The following SLC18A2 variants were observed in gnomAD, a reference collection of about 807,000 sequenced individuals.
SLC18A2 encodes the protein synaptic vesicular amine transporter.
Under a neutral mutation model 59.2 loss-of-function variants are expected in SLC18A2, and 33 were observed. That is an observed-to-expected ratio of 0.56 (90% CI 0.42 to 0.75). The LOEUF (loss-of-function observed/expected upper bound fraction) is 0.75, where lower values mean the gene tolerates loss of function less well. Among genes scored for constraint, SLC18A2 ranks in the 30% least tolerant of loss-of-function variants. SLC18A2 has a pLI of 0.00. For missense variants in SLC18A2, 569 were observed against 668.6 expected (o/e 0.85, Z 1.64); for synonymous variants, 228 against 253.5 (o/e 0.90, Z 0.95).
Position 117,277,284 on chromosome 10 carries a change from T to G in SLC18A2, c.*18T>G, listed in dbSNP as rs368540987. ...GTGACTGAGATGAGATCCTCAAAAA[T>G]CATCAAAGTGTTTAATTGTATAAAA... On this transcript the variant is annotated 3_prime_UTR_variant, in exon 16 of 16. Coordinates refer to ENST00000644641, the MANE Select transcript of SLC18A2 (RefSeq NM_003054.6). 7.2e-5 allele frequency: 105 copies of G among 1,452,766 alleles called. No homozygotes were observed. Among genetic ancestry groups the G allele is most frequent in the Non-Finnish European group, 9.6e-5 (100 of 1,036,504 alleles). 90.0% of individuals were successfully genotyped at this position (1,452,766 alleles called of 1,614,324 possible).
intron 10 of SLC18A2, among the ~76,000 whole-genome samples, chr10:117,266,372 A>G (rs1347446087): frequency 6.6e-6 from 1 of 152,120 alleles, no homozygotes; most frequent in Non-Finnish European, 1.5e-5. Flanking sequence ...TCTTTCAATG[A>G]CTGCGTCTTA....
chr10:117,254,916 G>A (rs1395343078), intron 6 of SLC18A2, among the ~76,000 whole-genome samples: 1 of 152,188 alleles, frequency 6.6e-6, no homozygotes, highest in Non-Finnish European at 1.5e-5. Context: ...TTCCTCTTCC[G>A]ATTTCCCGCC....
At chr10:117,265,789 C>T (rs995262579) in intron 10 of SLC18A2, among the ~76,000 whole-genome samples, 1 of 152,116 alleles carries the variant, frequency 6.6e-6, no homozygotes, top group African/African-American at 2.4e-5. Context: ...ATGGGGACAG[C>T]AATAAAACTT....
chr10:117,241,988 C>T (rs555650717), intron 2 of SLC18A2, 174 bp downstream of exon 2: 4 of 561,962 alleles, frequency 7.1e-6, no homozygotes, highest in Non-Finnish European at 1.2e-5. Context: ...TAGGAGGAGC[C>T]GCGTTGTGTG....
At chr10:117,254,208 A>C in intron 5 of SLC18A2, 77 bp downstream of exon 5, 1 of 1,450,626 alleles carries the variant, frequency 6.9e-7, no homozygotes, top group Admixed American at 1.7e-5. Flanking sequence ...GAATTCAGGT[A>C]TTGGTGGTGG....
At position 117,244,130 on chromosome 10, in the gene SLC18A2, G is replaced by A; in HGVS notation, c.281G>A (p.Arg94Lys). Residue 94 changes from arginine (R) to lysine (K), a missense_variant, in exon 3 of 16, where the codon AGA becomes AAA. By Grantham distance (26) the Arg-to-Lys change is conservative. Transcript: ENST00000644641. Reference protein sequence around the residue: ...NSTMVTGNATRDLTLHQTATQ... With the variant: ...NSTMVTGNATKDLTLHQTATQ... ...ACTATGGTCACCGGGAATGCTACCA[G>A]AGACCTGACACTTCATCAGACCGCC... 6.2e-7 allele frequency: 1 copy of A among 1,614,194 alleles called. No individual in the cohort carries two copies. Among genetic ancestry groups the A allele is most frequent in the South Asian group, 1.1e-5 (1 of 91,078 alleles).
At chr10:117,248,206 C>T (rs1844128944) in intron 3 of SLC18A2, among the ~76,000 whole-genome samples, 1 of 152,032 alleles carries the variant, frequency 6.6e-6, no homozygotes, top group South Asian at 2.1e-4. Flanking sequence ...CTCAAGTGAT[C>T]CTCCTGCCTC....
At chr10:117,256,652 C>G (rs1350209547) in intron 9 of SLC18A2, among the ~76,000 whole-genome samples, 2 of 152,188 alleles carry the variant, frequency 1.3e-5, no homozygotes, top group African/African-American at 4.8e-5. Context: ...AAGACCCTGT[C>G]TATCATGCTT....
rs1173040503 is a variant in SLC18A2, at chr10:117,269,590, A to T, written c.1187-481A>T. On this transcript the variant is annotated intron_variant, in intron 13 of 15. Coordinates refer to ENST00000644641, the MANE Select transcript of SLC18A2 (RefSeq NM_003054.6). This position sits in a 1 kb window ranked among gnomAD's most constrained non-coding sequence, Gnocchi z 5.1. ...CGCCTCTCTGAGTATTGGTTTCCTC[A>T]TCTATAAAATGGGGATGCTCATGAT... 1.3e-5 allele frequency among the ~76,000 whole-genome samples: 2 copies of T among 152,054 alleles called. No homozygotes were observed. The highest frequency in any genetic ancestry group is 2.9e-5 in the Non-Finnish European group (2 of 68,014).
intron 3 of SLC18A2, among the ~76,000 whole-genome samples, chr10:117,245,848 G>C (rs530090346): frequency 6.6e-6 from 1 of 152,152 alleles, no homozygotes; most frequent in African/African-American, 2.4e-5. Context: ...CTCAACATCT[G>C]CAGTTGAATT....
At position 117,255,492 on chromosome 10, in the gene SLC18A2, T is replaced by A; in HGVS notation, c.804T>A (p.Phe268Leu). The A allele has an allele frequency of 1.2e-6, 2 of 1,614,152 alleles. No individual in the cohort carries two copies. Among genetic ancestry groups the A allele is most frequent in the Non-Finnish European group, 1.7e-6 (2 of 1,180,046 alleles). ...TTTATTTTTTAGCTATTCAGCTCTT[T>A]GTGCTCCAGCCGTCCCGGGTGCAGC... is the stretch of plus-strand genomic sequence containing the variant. ...LVLLDGAIQL[F>L]VLQPSRVQPE... Residue 268 changes from phenylalanine to leucine, a missense_variant, in exon 8 of 16, where the codon TTT becomes TTA. Physicochemically the swap from Phe to Leu is conservative, Grantham distance 22 (BLOSUM62 0). Around this residue, in one of 2 missense-constraint regions of SLC18A2, gnomAD observed 377 missense variants for 389.8 expected, o/e 0.97. Transcript: ENST00000644641.
At chr10:117,255,061 G>A (rs1844212381) in intron 6 of SLC18A2, among the ~76,000 whole-genome samples, 1 of 152,210 alleles carries the variant, frequency 6.6e-6, no homozygotes, top group Non-Finnish European at 1.5e-5. Flanking sequence ...TGCTTTCAGG[G>A]TGACCTTTAT....
intron 10 of SLC18A2, among the ~76,000 whole-genome samples, chr10:117,263,273 G>A (rs989667915): frequency 2.6e-5 from 4 of 152,170 alleles, no homozygotes; most frequent in African/African-American, 9.7e-5. Context: ...GCAGTGCGGA[G>A]GACCCAGTGC....
intron 10 of SLC18A2, among the ~76,000 whole-genome samples, chr10:117,260,687 A>C (rs1844285896): frequency 1.3e-5 from 2 of 152,164 alleles, no homozygotes; most frequent in Non-Finnish European, 2.9e-5. Context: ...AACTGTTGAA[A>C]TCCTCAGTCA....
chr10:117,243,397 G>A (rs965435428), intron 2 of SLC18A2, among the ~76,000 whole-genome samples: 15 of 152,200 alleles, frequency 9.9e-5, no homozygotes, highest in Admixed American at 9.8e-4. Context: ...GTTCAGCACA[G>A]CAGCTGCCTT....
chr10:117,241,539 T>A, intron 1 of SLC18A2, 140 bp from the exon 2 acceptor site: 1 of 901,874 alleles, frequency 1.1e-6, no homozygotes, highest in Non-Finnish European at 1.5e-6. Context: ...TCGAGGCAGG[T>A]GAGCCGAGGC....
chr10:117,245,552 C>T (rs770644839), intron 3 of SLC18A2, among the ~76,000 whole-genome samples: 43 of 150,996 alleles, frequency 2.8e-4, no homozygotes, highest in Non-Finnish European at 3.4e-4. Context: ...CTGCCTTTGG[C>T]GTGGGGAGTG....
At chr10:117,242,082 A>G (rs937423510) in intron 2 of SLC18A2, among the ~76,000 whole-genome samples, 3 of 152,192 alleles carry the variant, frequency 2.0e-5, no homozygotes, top group Non-Finnish European at 4.4e-5. Context: ...AATTTCCCGC[A>G]TCCTCTTGCC....
chr10:117,245,457 T>C (rs2133726847), intron 3 of SLC18A2, among the ~76,000 whole-genome samples: 1 of 152,132 alleles, frequency 6.6e-6, no homozygotes, highest in South Asian at 2.1e-4. Flanking sequence ...CATTAGAAAT[T>C]CCAAAGCCAA....
Sources: allele counts gnomAD v4.1 joint callset (sites outside exome capture counted in the v4.1 genomes callset), GRCh38; gene constraint gnomAD v4.1.1; regional missense constraint gnomAD v4.1.1; non-coding constraint Gnocchi (gnomAD v3.1); transcripts MANE v1.5; gene names NCBI Gene and HGNC (gene_info 2026-07-23, HGNC 2026-07-21).